Variants in MCTP2 observed in about 807,000 individuals in gnomAD.
MCTP2 encodes the protein multiple C2 and transmembrane domain-containing protein 2.
In MCTP2, 132 loss-of-function variants were observed where a neutral mutation model predicts 111.6. That is an observed-to-expected ratio of 1.18 (90% confidence interval 1.03 to 1.37). The LOEUF is 1.37. Ranked by LOEUF, MCTP2 falls within the 40% of genes most tolerant of loss-of-function variation. MCTP2 has a pLI of 0.00. For synonymous variants in MCTP2, 395 were observed against 387.7 expected, an observed-to-expected ratio of 1.02 and a Z score of -0.22; for missense variants, 1,183 against 1,067.9, an observed-to-expected ratio of 1.11 and a Z score of -1.50.
At chr15:94,321,915 A>T (rs1053295773) in intron 4 of MCTP2, among the ~76,000 whole-genome samples, 1 of 152,224 alleles carries the variant, frequency 6.6e-6, no homozygotes, top group Non-Finnish European at 1.5e-5. Flanking sequence ...CATAAAAGAG[A>T]GAAAGTAGAT....
rs984769331 is a variant in MCTP2, at chr15:94,480,623, A to T, written c.*1589A>T. 6.6e-6 allele frequency: 1 copy of T among 152,246 alleles called. No homozygotes were observed. Among genetic ancestry groups the T allele is most frequent in the Admixed American group, 6.5e-5 (1 of 15,290 alleles). 9.4% of individuals were successfully genotyped at this position (152,246 alleles called of 1,614,324 possible). ...AGTTACTCAATCTTCTGTGTAAACA[A>T]TGCCTCATTGTCTTGCTTCTAACTA... On this transcript the variant is annotated 3_prime_UTR_variant, in exon 23 of 23. Coordinates refer to ENST00000357742, the MANE Select transcript of MCTP2 (RefSeq NM_001385001.1).
chr15:94,245,674 A>G (rs972084723), intron 1 of MCTP2, among the ~76,000 whole-genome samples: 4 of 146,934 alleles, frequency 2.7e-5, no homozygotes, highest in Admixed American at 1.4e-4. Context: ...GTGTATATAC[A>G]TATGTATGTG....
At chr15:94,378,322 G>A (rs749089896) in intron 12 of MCTP2, among the ~76,000 whole-genome samples, 2 of 151,102 alleles carry the variant, frequency 1.3e-5, no homozygotes, top group African/African-American at 2.4e-5. Flanking sequence ...AGGGGTTCCA[G>A]ACCAGACTGG....
At chr15:94,361,084 G>GTTTTTTTTTTTTTTTTTTTTTTT (rs67774490) in intron 10 of MCTP2, among the ~76,000 whole-genome samples, 1 of 8,400 alleles carries the variant, frequency 1.2e-4, no homozygotes, top group Non-Finnish European at 2.6e-4. Flanking sequence ...AATATTTCAA[G>GTTTTTTTTTTTTTTTTTTTTTTT]TTTTTTTTTT....
chr15:94,287,284 A>T (rs898664504), intron 1 of MCTP2, among the ~76,000 whole-genome samples: 3 of 150,742 alleles, frequency 2.0e-5, no homozygotes, highest in African/African-American at 4.9e-5. Flanking sequence ...ATATGTTTGT[A>T]ATTCTTTATA....
chr15:94,257,265 T>C (rs1269914062), intron 1 of MCTP2, among the ~76,000 whole-genome samples: 2 of 152,112 alleles, frequency 1.3e-5, no homozygotes, highest in South Asian at 2.1e-4. Flanking sequence ...TTCAAACATA[T>C]ATATCCTCAT....
At chr15:94,235,891 G>A (rs1024219315) in intron 1 of MCTP2, among the ~76,000 whole-genome samples, 3 of 152,168 alleles carry the variant, frequency 2.0e-5, no homozygotes, top group African/African-American at 7.2e-5. Flanking sequence ...GGGATTGCTT[G>A]GGATGTGCCT....
chr15:94,427,950 C>T (rs538264872), intron 17 of MCTP2, among the ~76,000 whole-genome samples: 97 of 152,198 alleles, frequency 6.4e-4, no homozygotes, highest in African/African-American at 2.2e-3. Context: ...ACAATAGTAT[C>T]GGAATTCTTC....
At chr15:94,240,227 C>T (rs556024999) in intron 1 of MCTP2, among the ~76,000 whole-genome samples, 201 of 152,216 alleles carry the variant, frequency 1.3e-3, no homozygotes, top group African/African-American at 4.6e-3. Flanking sequence ...TGCTAATCCT[C>T]TTAGGAACCC....
intron 2 of MCTP2, among the ~76,000 whole-genome samples, chr15:94,305,552 G>C (rs1227508677): frequency 6.6e-6 from 1 of 152,136 alleles, no homozygotes; most frequent in East Asian, 1.9e-4. Context: ...TACACACATA[G>C]CTGTTTAGAA....
At chr15:94,338,032 A>G (rs1252735731) in intron 4 of MCTP2, among the ~76,000 whole-genome samples, 1 of 152,204 alleles carries the variant, frequency 6.6e-6, no homozygotes, top group East Asian at 1.9e-4. Flanking sequence ...AAAGTAAAAG[A>G]TTGAAGTAAT....
intron 8 of MCTP2, chr15:94,355,889 C>G (rs931697128): frequency 1.9e-6 from 2 of 1,046,016 alleles, no homozygotes; most frequent in Non-Finnish European, 2.3e-6. Context: ...GTGGGAGTAC[C>G]GGCCAGTGCC....
intron 2 of MCTP2, among the ~76,000 whole-genome samples, chr15:94,305,696 T>C (rs1386056415): frequency 2.0e-5 from 3 of 152,140 alleles, no homozygotes; most frequent in South Asian, 2.1e-4. Flanking sequence ...CAGTTGACTT[T>C]CCAGCCACTG....
chr15:94,407,464 A>T (rs2081956735), intron 17 of MCTP2, among the ~76,000 whole-genome samples: 1 of 152,242 alleles, frequency 6.6e-6, no homozygotes, highest in Admixed American at 6.5e-5. Context: ...GAGTATCTTC[A>T]TAAAGCTATG....
chr15:94,279,688 T>C (rs1385109306), intron 1 of MCTP2, among the ~76,000 whole-genome samples: 1 of 152,166 alleles, frequency 6.6e-6, no homozygotes, highest in African/African-American at 2.4e-5. Context: ...CTTTGCCTTG[T>C]TCTGGTTCTC....
intron 4 of MCTP2, among the ~76,000 whole-genome samples, chr15:94,338,604 T>A (rs1324867499): frequency 6.6e-6 from 1 of 152,026 alleles, no homozygotes; most frequent in Admixed American, 6.6e-5. Flanking sequence ...TCATTTCTTT[T>A]GGCGTCTGTT....
intron 19 of MCTP2, among the ~76,000 whole-genome samples, chr15:94,443,262 T>A (rs2083894005): frequency 6.6e-6 from 1 of 152,180 alleles, no homozygotes; most frequent in Admixed American, 6.6e-5. Flanking sequence ...AAAGGTAGCC[T>A]GGGAAGTCAA....
chr15:94,338,637 G>A (rs963328638), intron 4 of MCTP2, among the ~76,000 whole-genome samples: 3 of 152,086 alleles, frequency 2.0e-5, no homozygotes, highest in Admixed American at 6.6e-5. Flanking sequence ...GGGAGGAGCC[G>A]GGCGGGTCAG....
chr15:94,387,350 A>G (rs1247998583), intron 14 of MCTP2, among the ~76,000 whole-genome samples: 1 of 151,768 alleles, frequency 6.6e-6, no homozygotes, highest in African/African-American at 2.4e-5. Flanking sequence ...GCCTGCCCAC[A>G]TCCCTGCTGT....
Sources: allele counts gnomAD v4.1 joint callset (sites outside exome capture counted in the v4.1 genomes callset), GRCh38; gene constraint gnomAD v4.1.1; transcripts MANE v1.5; gene names NCBI Gene and HGNC (gene_info 2026-07-23, HGNC 2026-07-21).